SLC30A10: variants seen among roughly 807,000 people sequenced by gnomAD.
The protein encoded by SLC30A10 is calcium/manganese antiporter SLC30A10.
SLC30A10 carries 8 observed loss-of-function variants against 21.7 expected under a neutral mutation model. That is an observed-to-expected ratio of 0.37 (90% CI 0.22 to 0.67). The LOEUF (loss-of-function observed/expected upper bound fraction) is 0.67, where lower values mean the gene tolerates loss of function less well. Ranked by LOEUF, SLC30A10 falls within the 30% of genes least tolerant of loss-of-function variation. SLC30A10 has a pLI of 0.58. For synonymous variants in SLC30A10, 272 were observed against 279.4 expected (o/e 0.97, Z 0.26); for missense variants, 521 against 642.5 (o/e 0.81, Z 2.04).
At chr1:219,937,726 T>G (rs923740053) in intron 1 of SLC30A10, among the ~76,000 whole-genome samples, 13 of 152,202 alleles carry the variant, frequency 8.5e-5, no homozygotes, top group Admixed American at 6.5e-4. Flanking sequence ...AGCACAAGAA[T>G]CGCTTGAACC....
Position 219,915,406 on chromosome 1 carries a change from C to A in SLC30A10, c.*43G>T. On this transcript the variant is annotated 3_prime_UTR_variant, in exon 4 of 4. Transcript: ENST00000366926. ...CTTTTTGTGAGCCAAGCTTGTGGTT[C>A]CAAAGTGCCTCGTCTATATGGTCTG... 1 of 1,572,834 alleles carries A rather than the reference C, an allele frequency of 6.4e-7. No homozygotes were observed. Among genetic ancestry groups the A allele is most frequent in the South Asian group, 1.2e-5 (1 of 82,068 alleles).
Position 219,927,892 on chromosome 1 carries a change from T to C in SLC30A10, c.549A>G (p.Thr183=), listed in dbSNP as rs201861047. Residue 183 remains threonine (T), a synonymous_variant, in exon 1 of 4, where the codon ACA becomes ACG. Coordinates refer to ENST00000366926, the MANE Select transcript of SLC30A10 (RefSeq NM_018713.3). ...TTACGGCCGAGTCCGAGCCTGGGGC[T>C]GTCGGGTCCGCCGCGCGCCGCGGGT... ...AEDPRRAADP[T]APGSDSAVTL... The C allele has an allele frequency of 7.3e-5, 113 of 1,540,808 alleles. No homozygotes were observed. The highest frequency in any genetic ancestry group is 5.0e-4 in the Middle Eastern group (3 of 5,952).
At position 219,911,089 on chromosome 1, in the gene SLC30A10, G is replaced by A. The variant is rs551811853; in HGVS notation, c.*4360C>T. 3.2e-4 allele frequency among the ~76,000 whole-genome samples: 45 copies of A among 138,736 alleles called. No homozygotes were observed. The highest frequency in any genetic ancestry group is 1.1e-3 in the African/African-American group (40 of 37,456). The allele number at this position is 138,736 out of a possible 152,430, so 91.0% of individuals were successfully genotyped here. A position where few individuals can be genotyped will look rare whatever the true frequency, so the allele number is the denominator to read the frequency against. ...TCTATAGAGCAGGCATGCAGTCCGC[G>A]ATCATTCATCCAAACTCAAAATTCA... On this transcript the variant is annotated 3_prime_UTR_variant, in exon 4 of 4. Coordinates refer to ENST00000366926, the MANE Select transcript of SLC30A10 (RefSeq NM_018713.3).
In SLC30A10 at chr1:219,923,535, A is replaced by T. The variant is rs184102952; in HGVS notation, c.718+3493T>A. 2.6e-5 allele frequency among the ~76,000 whole-genome samples: 4 copies of T among 152,336 alleles called. No individual in the cohort carries two copies. The East Asian group carries it at 7.7e-4, about 29-fold the overall frequency. On this transcript the variant is annotated intron_variant, in intron 2 of 3. Transcript: ENST00000366926. ...TCTTTCTTATTGGAATTACAAAGAA[A>T]CATCTCATCAAAGGGGATTTCTTTT...
intron 1 of SLC30A10, among the ~76,000 whole-genome samples, chr1:219,935,402 A>C (rs1490394381): frequency 1.3e-5 from 2 of 152,226 alleles, no homozygotes; most frequent in Non-Finnish European, 2.9e-5. Context: ...TGTGAAGGGG[A>C]GAGAGGGTCA....
chr1:219,914,665 T>C lies in SLC30A10; in HGVS notation c.*784A>G, dbSNP rs1659491234. The C allele has an allele frequency of 6.6e-6, 1 of 152,214 alleles. No homozygotes were observed. The highest frequency in any genetic ancestry group is 2.4e-5 in the African/African-American group (1 of 41,458). The allele number at this position is 152,214 out of a possible 1,614,324, so 9.4% of individuals were successfully genotyped here. ...TAAATGAAAACAGCTCCAACTATACTGACTCTAAAAGACAGTATATGAGTA... is the reference window on the plus strand; with the variant it reads ...TAAATGAAAACAGCTCCAACTATACCGACTCTAAAAGACAGTATATGAGTA... On this transcript the variant is annotated 3_prime_UTR_variant, in exon 4 of 4. Coordinates refer to ENST00000366926, the MANE Select transcript of SLC30A10 (RefSeq NM_018713.3).
Position 219,918,531 on chromosome 1 carries a change from A to G in SLC30A10, c.719-37T>C, listed in dbSNP as rs1450201365. 1 of 1,537,860 alleles carries G rather than the reference A, an allele frequency of 6.5e-7. No homozygotes were observed. Among genetic ancestry groups the G allele is most frequent in the South Asian group, 1.3e-5 (1 of 78,290 alleles). On this transcript the variant is annotated intron_variant, in intron 2 of 3. Transcript: ENST00000366926. This position sits in a 1 kb window ranked among gnomAD's most constrained non-coding sequence, Gnocchi z 4.4. ...AAAGACTACTGCAGCACAGATGCAA[A>G]TCTGGAAGCCACGTGACACTCACTG... is the stretch of plus-strand genomic sequence containing the variant.
chr1:219,917,275 G>A (rs1275245778), intron 3 of SLC30A10, among the ~76,000 whole-genome samples: 1 of 152,070 alleles, frequency 6.6e-6, no homozygotes, highest in African/African-American at 2.4e-5. Context: ...ACAGGAATGA[G>A]TCACAAAAAG....
At chr1:219,933,723 T>C (rs974825116) in intron 1 of SLC30A10, among the ~76,000 whole-genome samples, 13 of 152,222 alleles carry the variant, frequency 8.5e-5, no homozygotes, top group Admixed American at 8.5e-4. Flanking sequence ...GCAGAATATT[T>C]TCCTTCACCA....
At chr1:219,934,283 G>A (rs984844675) in intron 1 of SLC30A10, among the ~76,000 whole-genome samples, 15 of 151,878 alleles carry the variant, frequency 9.9e-5, no homozygotes, top group East Asian at 5.8e-4. Flanking sequence ...GCAAAACTCC[G>A]TCTCACACAC....
chr1:219,936,120 G>A (rs1660041965), intron 1 of SLC30A10, among the ~76,000 whole-genome samples: 1 of 152,112 alleles, frequency 6.6e-6, no homozygotes, highest in Admixed American at 6.6e-5. Context: ...ATGAAGTCTG[G>A]AAGAGAACTA....
At chr1:219,927,678 CAAAAAA>C (rs111682715) in intron 1 of SLC30A10, 117 bp downstream of exon 1, 15 of 319,404 alleles carry the variant, frequency 4.7e-5, no homozygotes, top group Non-Finnish European at 6.7e-5. Context: ...ACAACAACAA[CAAAAAA>C]AAAAAAACAG....
chr1:219,921,959 CAGAG>C (rs1385142751), intron 2 of SLC30A10, among the ~76,000 whole-genome samples: 1 of 128,852 alleles, frequency 7.8e-6, no homozygotes, highest in African/African-American at 3.1e-5. Context: ...GAGAGAGAGA[CAGAG>C]AGAGAGAAAA....
At position 219,915,343 on chromosome 1, in the gene SLC30A10, T is replaced by C. The variant is rs2102524065; in HGVS notation, c.*106A>G. On this transcript the variant is annotated 3_prime_UTR_variant, in exon 4 of 4. Transcript: ENST00000366926. ...ACCCCTAGTGAACACAGAGCATGCA[T>C]GCTGCAAGTCTAGTCTGGGCCTACA... 2 of 1,386,124 alleles carry C rather than the reference T, an allele frequency of 1.4e-6. No individual in the cohort carries two copies. Among genetic ancestry groups the C allele is most frequent in the Non-Finnish European group, 2.0e-6 (2 of 1,011,386 alleles). The allele number at this position is 1,386,124 out of a possible 1,614,324, so 85.9% of individuals were successfully genotyped here. A position where few individuals can be genotyped will look rare whatever the true frequency, so the allele number is the denominator to read the frequency against.
rs1659477197 is a variant in SLC30A10 at position 219,914,162 on chromosome 1, AGGCACTTCC to A, written c.*1278_*1286del. ...CAGAGATGATACTAGTTGTCTAGTG[AGGCACTTCC>A]CATTTTCTCATACCTGTGAGACTGT... On this transcript the variant is annotated 3_prime_UTR_variant, in exon 4 of 4. Transcript: ENST00000366926. 6.6e-6 allele frequency: 1 copy of A among 152,298 alleles called. No individual in the cohort carries two copies. Among genetic ancestry groups the A allele is most frequent in the African/African-American group, 2.4e-5 (1 of 41,570 alleles). 9.4% of individuals were successfully genotyped at this position (152,298 alleles called of 1,614,324 possible). A position where few individuals can be genotyped will look rare whatever the true frequency, so the allele number is the denominator to read the frequency against.
upstream of SLC30A10, among the ~76,000 whole-genome samples, chr1:219,931,672 G>C (rs371842221): frequency 2.2e-4 from 34 of 152,096 alleles, no homozygotes; most frequent in South Asian, 7.1e-3. Flanking sequence ...GTAGAGATAG[G>C]GTTTCACCAC....
intron 1 of SLC30A10, among the ~76,000 whole-genome samples, chr1:219,941,704 CTCTCT>C (rs1660125568): frequency 6.6e-6 from 1 of 151,100 alleles, no homozygotes; most frequent in Admixed American, 6.6e-5. Flanking sequence ...CTCTCTCTCT[CTCTCT>C]CCCCCTCTCC....
chr1:219,935,134 A>G (rs568188376), intron 1 of SLC30A10, among the ~76,000 whole-genome samples: 1 of 152,316 alleles, frequency 6.6e-6, no homozygotes, highest in South Asian at 2.1e-4. Context: ...TCCAATTCAA[A>G]TGGAAGCAAA....
chr1:219,929,606 C>T (rs1038532086), upstream of SLC30A10, among the ~76,000 whole-genome samples: 9 of 152,070 alleles, frequency 5.9e-5, no homozygotes, highest in African/African-American at 1.9e-4. Context: ...CTGCAACCTC[C>T]GCCTCTCGGA....
Sources: allele counts gnomAD v4.1 joint callset (sites outside exome capture counted in the v4.1 genomes callset), GRCh38; gene constraint gnomAD v4.1.1; non-coding constraint Gnocchi (gnomAD v3.1); transcripts MANE v1.5; gene names NCBI Gene and HGNC (gene_info 2026-07-23, HGNC 2026-07-21).